Variants in CENPP observed in about 807,000 individuals in gnomAD.
The protein encoded by CENPP is centromere protein P.
CENPP carries 24 observed loss-of-function variants against 35.6 expected under a neutral mutation model. The ratio of observed to expected loss-of-function variants is 0.67; its 90% CI spans 0.49 to 0.95. CENPP has a LOEUF of 0.95. Ranked by LOEUF, CENPP falls within the 40% of genes least tolerant of loss-of-function variation. CENPP has a pLI of 0.00. For synonymous variants in CENPP, 120 were observed against 125.5 expected (o/e 0.96, Z 0.29); for missense variants, 332 against 345.3 (o/e 0.96, Z 0.31).
intron 5 of CENPP, among the ~76,000 whole-genome samples, chr9:92,459,073 A>G (rs1354200325): frequency 6.6e-6 from 1 of 152,218 alleles, no homozygotes; most frequent in East Asian, 1.9e-4. Flanking sequence ...GTCAAATAGA[A>G]GGAAAAGATT....
At chr9:92,352,505 G>GTATATATA (rs1554753078) in intron 4 of CENPP, among the ~76,000 whole-genome samples, 1 of 49,790 alleles carries the variant, frequency 2.0e-5, no homozygotes, top group Non-Finnish European at 3.3e-5. Context: ...GTGTGTGTGT[G>GTATATATA]TATACATATA....
chr9:92,365,187 T>C (rs1313778006), intron 4 of CENPP, among the ~76,000 whole-genome samples: 1 of 151,870 alleles, frequency 6.6e-6, no homozygotes, highest in African/African-American at 2.4e-5. Context: ...ATATTAGATA[T>C]CGATAAGTGG....
chr9:92,358,820 T>C (rs1841659735), intron 4 of CENPP, among the ~76,000 whole-genome samples: 1 of 152,108 alleles, frequency 6.6e-6, no homozygotes, highest in Non-Finnish European at 1.5e-5. Flanking sequence ...TCTTTAGCAT[T>C]TTTAAGATGG....
At chr9:92,611,179 T>C (rs554499171) in intron 5 of CENPP, 135 bp from the exon 6 acceptor site, 14 of 705,130 alleles carry the variant, frequency 2.0e-5, no homozygotes, top group Middle Eastern at 3.9e-4. Context: ...AGAGGGGCGG[T>C]TGGCACCCAT....
intron 5 of CENPP, among the ~76,000 whole-genome samples, chr9:92,560,868 C>CTTTTTTTTTTTT (rs58467942): frequency 1.6e-5 from 2 of 126,154 alleles, no homozygotes; most frequent in Admixed American, 8.1e-5. Flanking sequence ...TTTTTCTTGT[C>CTTTTTTTTTTTT]TTTTTTTTTT....
chr9:92,448,588 TATG>T (rs1457212287), intron 5 of CENPP, among the ~76,000 whole-genome samples: 1 of 152,006 alleles, frequency 6.6e-6, no homozygotes, highest in African/African-American at 2.4e-5. Context: ...GATGAAATCC[TATG>T]ATTTCATCTC....
At chr9:92,336,171 T>TG (rs1554751161) in intron 2 of CENPP, among the ~76,000 whole-genome samples, 1 of 152,244 alleles carries the variant, frequency 6.6e-6, no homozygotes, top group Non-Finnish European at 1.5e-5. Flanking sequence ...CTCTTTTTTT[T>TG]CTGATAGTTT....
chr9:92,467,179 C>G (rs182318739), intron 5 of CENPP, among the ~76,000 whole-genome samples: 2 of 152,290 alleles, frequency 1.3e-5, no homozygotes, highest in East Asian at 3.9e-4. Context: ...GGCAATAAGA[C>G]AGCATCCTCC....
At chr9:92,371,303 G>A (rs1183100675) in intron 4 of CENPP, among the ~76,000 whole-genome samples, 3 of 151,796 alleles carry the variant, frequency 2.0e-5, no homozygotes, top group Non-Finnish European at 4.4e-5. Context: ...ATTTTGCTAT[G>A]GTGTGTTTCC....
chr9:92,332,671 G>C (rs750955501), intron 2 of CENPP, among the ~76,000 whole-genome samples: 2 of 152,176 alleles, frequency 1.3e-5, no homozygotes, highest in East Asian at 1.9e-4. Flanking sequence ...AGCCGGATGT[G>C]TTGGTGGGCA....
At chr9:92,501,548 G>A (rs1456820660) in intron 5 of CENPP, among the ~76,000 whole-genome samples, 5 of 152,262 alleles carry the variant, frequency 3.3e-5, no homozygotes, top group African/African-American at 4.8e-5. Flanking sequence ...GACTTGAGGC[G>A]AGCCTGAGGG....
chr9:92,617,046 T>A lies in CENPP; in HGVS notation c.*3897T>A, dbSNP rs554468950. On this transcript the variant is annotated 3_prime_UTR_variant, in exon 8 of 8. Coordinates refer to ENST00000375587, the MANE Select transcript of CENPP (RefSeq NM_001012267.3). Reference sequence around the variant, plus strand: ...CTGCTGCCCTGCCCCAGAATCCTGTTTGTAGAAAAAACAAATCCCTGACTA... The same window carrying A: ...CTGCTGCCCTGCCCCAGAATCCTGTATGTAGAAAAAACAAATCCCTGACTA... The A allele has an allele frequency of 6.6e-6, 1 of 152,356 alleles. No individual in the cohort carries two copies. The highest frequency in any genetic ancestry group is 1.5e-5 in the Non-Finnish European group (1 of 68,070). The allele number at this position is 152,356 out of a possible 1,614,324, so 9.4% of individuals were successfully genotyped here.
chr9:92,546,107 C>G (rs1849437782), intron 5 of CENPP, among the ~76,000 whole-genome samples: 1 of 152,182 alleles, frequency 6.6e-6, no homozygotes, highest in Non-Finnish European at 1.5e-5. Flanking sequence ...ATGCACCAAT[C>G]AGTGCTCTGT....
intron 5 of CENPP, among the ~76,000 whole-genome samples, chr9:92,520,765 AT>A (rs1449634969): frequency 6.6e-6 from 1 of 152,250 alleles, no homozygotes; most frequent in African/African-American, 2.4e-5. Context: ...ATACAATGGA[AT>A]ATTATTCAGC....
At chr9:92,386,207 A>G in intron 5 of CENPP, 1 of 1,601,580 alleles carries the variant, frequency 6.2e-7, no homozygotes, top group Non-Finnish European at 8.6e-7. Context: ...ATACCTGAAG[A>G]TGAATTACAC....
intron 4 of CENPP, among the ~76,000 whole-genome samples, chr9:92,349,550 C>G (rs111759364): frequency 1.3e-5 from 2 of 151,564 alleles, no homozygotes; most frequent in African/African-American, 4.9e-5. Context: ...ATTATAGGCA[C>G]GCACCACCAC....
chr9:92,522,562 A>G (rs555450660), intron 5 of CENPP: 1 of 1,591,702 alleles, frequency 6.3e-7, no homozygotes, highest in African/African-American at 1.3e-5. Context: ...TCTCTCTCAT[A>G]GTGTTCTCTT....
In CENPP at chr9:92,461,771, A is replaced by G. The variant is rs1028294991; in HGVS notation, c.564+81912A>G. On this transcript the variant is annotated intron_variant, in intron 5 of 7. Coordinates refer to ENST00000375587, the MANE Select transcript of CENPP (RefSeq NM_001012267.3). ...TATTAGCTGGAATTCTTCTCTAAAG[A>G]ATTTTCTTTCATTAATTATTTAGTT... Among the ~76,000 whole-genome samples the G allele has an allele frequency of 4.6e-5, 7 of 152,112 alleles. No homozygotes were observed. In the South Asian group the frequency reaches 1.5e-3, roughly 32 times the overall value.
chr9:92,521,679 T>A (rs1403619943), intron 5 of CENPP, among the ~76,000 whole-genome samples: 1 of 152,212 alleles, frequency 6.6e-6, no homozygotes, highest in Non-Finnish European at 1.5e-5. Flanking sequence ...AAATGCCTAA[T>A]TGAAATCTTT....
Sources: allele counts gnomAD v4.1 joint callset (sites outside exome capture counted in the v4.1 genomes callset), GRCh38; gene constraint gnomAD v4.1.1; transcripts MANE v1.5; gene names NCBI Gene and HGNC (gene_info 2026-07-23, HGNC 2026-07-21).